MOB3B: variants seen among roughly 807,000 people sequenced by gnomAD.
MOB3B encodes MOB kinase activator-like 2B.
MOB3B carries 7 observed loss-of-function variants against 18.7 expected under a neutral mutation model. The observed-to-expected ratio is 0.37, with a 90% CI of 0.21 to 0.70. The LOEUF is 0.70. MOB3B is among the 30% of genes least tolerant of loss of function. The pLI, the probability that MOB3B is intolerant of heterozygous loss-of-function variation, is 0.52. For missense variants in MOB3B, 253 were observed against 281.3 expected, an observed-to-expected ratio of 0.90 and a Z score of 0.72; for synonymous variants, 111 against 99.9, an observed-to-expected ratio of 1.11 and a Z score of -0.66.
At chr9:27,488,107 A>G (rs866715859) in intron 1 of MOB3B, among the ~76,000 whole-genome samples, 1 of 152,158 alleles carries the variant, frequency 6.6e-6, no homozygotes, top group African/African-American at 2.4e-5. Context: ...AACCTGCCCT[A>G]CTACATTTCT....
chr9:27,524,353 A>G (rs199592351), intron 1 of MOB3B: 2 of 1,612,582 alleles, frequency 1.2e-6, no homozygotes, highest in Non-Finnish European at 1.7e-6. Context: ...ACCAAACCTG[A>G]TATGATTCAA....
chr9:27,449,855 G>T (rs913455305), intron 2 of MOB3B, among the ~76,000 whole-genome samples: 1 of 152,040 alleles, frequency 6.6e-6, no homozygotes, highest in Non-Finnish European at 1.5e-5. Context: ...GCAGGTGCCT[G>T]TGACCCCAGC....
intron 3 of MOB3B, among the ~76,000 whole-genome samples, chr9:27,331,095 A>G (rs1432675234): frequency 6.6e-6 from 1 of 152,124 alleles, no homozygotes; most frequent in Non-Finnish European, 1.5e-5. Flanking sequence ...AAAATAAAGG[A>G]TAAGTGGGTA....
Position 27,326,062 on chromosome 9 carries a change from G to A in MOB3B, c.*4525C>T, listed in dbSNP as rs3410. On this transcript the variant is annotated 3_prime_UTR_variant, in exon 4 of 4. Transcript: ENST00000262244. Reference sequence around the variant, plus strand: ...CAGGAAGATAAACCAAAATGATTGAGTATGATAAAGAATTTTGCATGGCGA... The same window carrying A: ...CAGGAAGATAAACCAAAATGATTGAATATGATAAAGAATTTTGCATGGCGA... 49,390 of 154,496 alleles carry A rather than the reference G, an allele frequency of 0.32. 8,347 individuals carry two copies. Among genetic ancestry groups the A allele is most frequent in the African/African-American group, 0.42 (17,468 of 41,274 alleles). The allele number at this position is 154,496 out of a possible 1,614,324, so 9.6% of individuals were successfully genotyped here.
At chr9:27,489,924 A>T (rs1201398560) in intron 1 of MOB3B, among the ~76,000 whole-genome samples, 1 of 152,106 alleles carries the variant, frequency 6.6e-6, no homozygotes, top group Non-Finnish European at 1.5e-5. Context: ...TTATGGATTC[A>T]TTCACATATA....
rs192630781 is a variant in MOB3B, at chr9:27,328,187, A to G, written c.*2400T>C. ...TTTTACTTTAAAATTTCCCAAAATT[A>G]AAATGAAAGCAGAAAAAGAAGGAGA... is the stretch of plus-strand genomic sequence containing the variant. On this transcript the variant is annotated 3_prime_UTR_variant, in exon 4 of 4. Transcript: ENST00000262244. 1 of 152,326 alleles carries G rather than the reference A, an allele frequency of 6.6e-6. No individual in the cohort carries two copies. Among genetic ancestry groups the G allele is most frequent in the East Asian group, 1.9e-4 (1 of 5,188 alleles). 9.4% of individuals were successfully genotyped at this position (152,326 alleles called of 1,614,324 possible).
At chr9:27,513,280 A>C (rs373272140) in intron 1 of MOB3B, among the ~76,000 whole-genome samples, 2 of 151,944 alleles carry the variant, frequency 1.3e-5, no homozygotes, top group East Asian at 1.9e-4. Context: ...TACTGCTCCC[A>C]CCTTAATCTA....
intron 1 of MOB3B, among the ~76,000 whole-genome samples, chr9:27,489,572 G>A (rs1819782662): frequency 6.6e-6 from 1 of 152,076 alleles, no homozygotes; most frequent in African/African-American, 2.4e-5. Context: ...CTGTGATGGA[G>A]GTGGTGAGGC....
intron 2 of MOB3B, among the ~76,000 whole-genome samples, chr9:27,370,221 G>A (rs1219467921): frequency 6.6e-6 from 1 of 152,104 alleles, no homozygotes; most frequent in East Asian, 1.9e-4. Flanking sequence ...TAAAAAGGAG[G>A]GTCCTGGCTG....
At chr9:27,471,067 G>A (rs988889048) in intron 1 of MOB3B, among the ~76,000 whole-genome samples, 3 of 152,090 alleles carry the variant, frequency 2.0e-5, no homozygotes, top group African/African-American at 2.4e-5. Flanking sequence ...GGGGACACTC[G>A]GAAATGGCAG....
rs1820695881 is a variant in MOB3B at position 27,325,408 on chromosome 9, T to C, written c.*5179A>G. On this transcript the variant is annotated 3_prime_UTR_variant, in exon 4 of 4. Coordinates refer to ENST00000262244, the MANE Select transcript of MOB3B (RefSeq NM_024761.5). ...CTTTTTCTGATGTATGTAAAAAAGATACAGGAAAATTCTGAAATCAGATCA... is the reference window on the plus strand; with the variant it reads ...CTTTTTCTGATGTATGTAAAAAAGACACAGGAAAATTCTGAAATCAGATCA... 1 of 152,210 alleles carries C rather than the reference T, an allele frequency of 6.6e-6. No individual in the cohort carries two copies. Among genetic ancestry groups the C allele is most frequent in the Non-Finnish European group, 1.5e-5 (1 of 68,024 alleles). The allele number at this position is 152,210 out of a possible 1,614,324, so 9.4% of individuals were successfully genotyped here.
At chr9:27,512,116 A>G (rs1302223056) in intron 1 of MOB3B, among the ~76,000 whole-genome samples, 6 of 152,056 alleles carry the variant, frequency 3.9e-5, no homozygotes, top group Non-Finnish European at 5.9e-5. Flanking sequence ...AGGAAACCAC[A>G]TGGAAGATGG....
At position 27,470,114 on chromosome 9, in the gene MOB3B, G is replaced by GAAAAAAAAAAA. The variant is rs751414011; in HGVS notation, c.-198-14377_-198-14367dup. On this transcript the variant is annotated intron_variant, in intron 1 of 3. Transcript: ENST00000262244. ...CAGAGTGAGACCCTGTCTCTTAAAA[G>GAAAAAAAAAAA]AAAAAAAAAAAAAAGAAAAGAAAAC... Among the ~76,000 whole-genome samples the GAAAAAAAAAAA allele has an allele frequency of 1.3e-3, 163 of 122,946 alleles. 2 individuals are homozygous for GAAAAAAAAAAA. Among genetic ancestry groups the GAAAAAAAAAAA allele is most frequent in the Non-Finnish European group, 1.9e-3 (113 of 60,134 alleles). 80.7% of individuals were successfully genotyped at this position (122,946 alleles called of 152,430 possible).
intron 3 of MOB3B, among the ~76,000 whole-genome samples, chr9:27,338,225 G>A (rs1820890693): frequency 6.6e-6 from 1 of 152,098 alleles, no homozygotes; most frequent in South Asian, 2.1e-4. Flanking sequence ...TTGCACACTT[G>A]TTCCTTCTGC....
intron 3 of MOB3B, among the ~76,000 whole-genome samples, chr9:27,339,891 C>A (rs1226939664): frequency 6.6e-6 from 1 of 152,236 alleles, no homozygotes; most frequent in African/African-American, 2.4e-5. Flanking sequence ...GGCTGCTGTT[C>A]TTCCTTTGCT....
At position 27,455,145 on chromosome 9, in the gene MOB3B, G is replaced by T; in HGVS notation, c.406C>A (p.Pro136Thr). 6.2e-7 allele frequency: 1 copy of T among 1,614,098 alleles called. No individual in the cohort carries two copies. Among genetic ancestry groups the T allele is most frequent in the Non-Finnish European group, 8.5e-7 (1 of 1,180,000 alleles). The change falls in exon 2 of 4, where the codon CCA (proline) becomes ACA (threonine). Residue 136 changes from proline (P) to threonine (T), a missense_variant. By Grantham distance (38) the Pro-to-Thr change is conservative (BLOSUM62 -1). Transcript: ENST00000262244. Reference sequence around the variant, plus strand: ...GTAATGAACTTACCCACGCATGTTGGAAATATTTCCTCGTTGTTGATCTGA... The same window carrying T: ...GTAATGAACTTACCCACGCATGTTGTAAATATTTCCTCGTTGTTGATCTGA... ...EVQINNEEIF[P>T]TCVGVPFPKN...
intron 2 of MOB3B, among the ~76,000 whole-genome samples, chr9:27,416,763 T>C (rs1216565649): frequency 6.6e-6 from 1 of 151,992 alleles, no homozygotes; most frequent in Non-Finnish European, 1.5e-5. Context: ...CTTAAACGTC[T>C]GGCTTTAAGT....
chr9:27,488,101 T>C (rs937994062), intron 1 of MOB3B, among the ~76,000 whole-genome samples: 16 of 152,212 alleles, frequency 1.1e-4, no homozygotes, highest in African/African-American at 3.9e-4. Flanking sequence ...GCCTCAAACC[T>C]GCCCTACTAC....
intron 2 of MOB3B, among the ~76,000 whole-genome samples, chr9:27,385,247 C>T (rs1821636795): frequency 6.6e-6 from 1 of 152,024 alleles, no homozygotes; most frequent in South Asian, 2.1e-4. Context: ...TTTTTTATAG[C>T]AAAGTAGGAC....
Sources: allele counts gnomAD v4.1 joint callset (sites outside exome capture counted in the v4.1 genomes callset), GRCh38; gene constraint gnomAD v4.1.1; transcripts MANE v1.5; gene names NCBI Gene and HGNC (gene_info 2026-07-23, HGNC 2026-07-21).